WNT7A: variants seen among roughly 807,000 people sequenced by gnomAD.
WNT7A encodes the protein Wnt family member 7A, also known as protein Wnt-7a.
In WNT7A, 16 loss-of-function variants were observed where a neutral mutation model predicts 28.2. The ratio of observed to expected loss-of-function variants is 0.57; its 90% CI spans 0.38 to 0.86. The LOEUF (loss-of-function observed/expected upper bound fraction) is 0.86. Ranked by LOEUF, WNT7A falls within the 40% of genes least tolerant of loss-of-function variation. The probability of loss-of-function intolerance (pLI) is 0.00; values close to 1 mark genes in which losing one functional copy is unlikely to be tolerated. For synonymous variants in WNT7A, 190 were observed against 195.9 expected (o/e 0.97, Z 0.25); for missense variants, 411 against 489.7 (o/e 0.84, Z 1.52).
At chr3:13,867,592 C>T (rs928014219) in intron 2 of WNT7A, among the ~76,000 whole-genome samples, 22 of 152,136 alleles carry the variant, frequency 1.4e-4, no homozygotes, top group Non-Finnish European at 1.0e-4. Context: ...CCACACTGAT[C>T]CTCAGTGAAA....
At chr3:13,839,841 T>C (rs1694428347) in intron 3 of WNT7A, among the ~76,000 whole-genome samples, 1 of 152,176 alleles carries the variant, frequency 6.6e-6, no homozygotes, top group Admixed American at 6.5e-5. Flanking sequence ...TGTAAACCAT[T>C]GAGAGCGTGG....
intron 3 of WNT7A, among the ~76,000 whole-genome samples, chr3:13,821,767 A>G (rs1283743372): frequency 6.6e-6 from 1 of 152,224 alleles, no homozygotes; most frequent in Non-Finnish European, 1.5e-5. Context: ...AGACAAGGTT[A>G]TTCCCAGGGC....
rs1479327711 is a variant in WNT7A, at chr3:13,819,308, T to C, written c.686A>G (p.Lys229Arg). Residue 229 changes from lysine (K) to arginine (R), a missense_variant, in exon 4 of 4, where the codon AAG (lysine) becomes AGG (arginine). Coordinates refer to ENST00000285018, the MANE Select transcript of WNT7A (RefSeq NM_004625.4). ...GTGAACGGCCTCGTTGTACTTGTCC[T>C]TGAGCACGTAGCCCAGCTCCCGAAA... ...PQFRELGYVL[K>R]DKYNEAVHVE... The C allele has an allele frequency of 3.1e-6, 5 of 1,613,700 alleles. No individual in the cohort carries two copies. In the African/African-American group the frequency reaches 5.3e-5, roughly 17 times the overall value.
intron 3 of WNT7A, among the ~76,000 whole-genome samples, chr3:13,849,673 G>T (rs1457466274): frequency 2.6e-5 from 4 of 152,180 alleles, no homozygotes; most frequent in Non-Finnish European, 5.9e-5. Context: ...TCACATGCAA[G>T]TAAAGTAGGG....
At chr3:13,857,911 A>G (rs938538902) in intron 2 of WNT7A, among the ~76,000 whole-genome samples, 1 of 152,214 alleles carries the variant, frequency 6.6e-6, no homozygotes, top group Non-Finnish European at 1.5e-5. Context: ...TAACAATGGT[A>G]GAGCACTTAG....
intron 3 of WNT7A, among the ~76,000 whole-genome samples, chr3:13,852,775 T>A (rs895717030): frequency 6.6e-6 from 1 of 152,094 alleles, no homozygotes; most frequent in African/African-American, 2.4e-5. Flanking sequence ...TCCATTTCCA[T>A]CCCTGTAGCA....
chr3:13,849,047 T>C (rs1321914730), intron 3 of WNT7A, among the ~76,000 whole-genome samples: 1 of 152,192 alleles, frequency 6.6e-6, no homozygotes, highest in African/African-American at 2.4e-5. Flanking sequence ...AATGAAAGTA[T>C]ACAAGTGGAG....
At chr3:13,868,980 GAGAA>G (rs1694979871) in intron 2 of WNT7A, among the ~76,000 whole-genome samples, 1 of 147,402 alleles carries the variant, frequency 6.8e-6, no homozygotes, top group South Asian at 2.2e-4. Context: ...GAAAGAGAAA[GAGAA>G]AGAAAAAGAG....
intron 2 of WNT7A, among the ~76,000 whole-genome samples, chr3:13,873,197 G>A (rs1238902061): frequency 2.0e-5 from 3 of 152,094 alleles, no homozygotes; most frequent in African/African-American, 7.2e-5. Context: ...ACTAAAAAGT[G>A]AGCCCTGGGC....
intron 2 of WNT7A, among the ~76,000 whole-genome samples, chr3:13,856,645 C>CT (rs1382738174): frequency 1.3e-4 from 20 of 152,198 alleles, no homozygotes; most frequent in African/African-American, 4.3e-4. Context: ...TGGTGAAACT[C>CT]TGTCTTTGCT....
chr3:13,824,564 G>A (rs1694163696), intron 3 of WNT7A, among the ~76,000 whole-genome samples: 1 of 152,110 alleles, frequency 6.6e-6, no homozygotes, highest in Non-Finnish European at 1.5e-5. Flanking sequence ...TGTGCCTGTG[G>A]CATCCAGCCA....
intron 3 of WNT7A, among the ~76,000 whole-genome samples, chr3:13,821,900 C>T (rs1694116270): frequency 6.6e-6 from 1 of 152,174 alleles, no homozygotes; most frequent in Non-Finnish European, 1.5e-5. Flanking sequence ...TTTAAGTGAA[C>T]AGGGATGCTT....
At chr3:13,822,762 G>A (rs1478692431) in intron 3 of WNT7A, among the ~76,000 whole-genome samples, 1 of 152,218 alleles carries the variant, frequency 6.6e-6, no homozygotes. Flanking sequence ...GCAATGGGAA[G>A]CCCCTGGAAG....
At chr3:13,875,290 C>G in intron 1 of WNT7A, 117 bp from the exon 2 acceptor site, 1 of 982,520 alleles carries the variant, frequency 1.0e-6, no homozygotes, top group East Asian at 2.6e-5. Context: ...GGTCTCCCAA[C>G]TTTTTTGATC....
At chr3:13,836,362 C>G (rs372272974) in intron 3 of WNT7A, among the ~76,000 whole-genome samples, 5 of 152,214 alleles carry the variant, frequency 3.3e-5, no homozygotes, top group Non-Finnish European at 7.3e-5. Flanking sequence ...AGCATCCGCA[C>G]GCTCTCCCCA....
intron 3 of WNT7A, among the ~76,000 whole-genome samples, chr3:13,837,280 C>G (rs1201258059): frequency 6.6e-6 from 1 of 152,174 alleles, no homozygotes; most frequent in African/African-American, 2.4e-5. Flanking sequence ...CACCCTTCCT[C>G]CAGTTCCTCA....
chr3:13,879,203 TTA>T (rs1007853943), intron 1 of WNT7A, among the ~76,000 whole-genome samples: 1 of 152,132 alleles, frequency 6.6e-6, no homozygotes, highest in Non-Finnish European at 1.5e-5. Flanking sequence ...GAGCGGCGGT[TTA>T]TGTTTTTGCC....
rs762400595 is a variant in WNT7A at position 13,854,771 on chromosome 3, T to C, written c.331A>G (p.Ile111Val). 2.5e-5 allele frequency: 40 copies of C among 1,613,634 alleles called. 2 individuals carry two copies. The South Asian group carries it at 4.3e-4, about 17-fold the overall frequency. The stretch of plus-strand genomic sequence containing the variant: ...ATGGCGTGGGCCACGCCGGCGGCAA[T>C]GATGGCGTAGGTGAACGCAGCCTCC... ...SREAAFTYAI[I>V]AAGVAHAITA... is the part of the protein sequence containing the mutation. The change falls in exon 3 of 4, where the codon ATT becomes GTT. Residue 111 changes from isoleucine to valine, a missense_variant. Physicochemically the swap from Ile to Val is conservative, Grantham distance 29 (BLOSUM62 3). Coordinates refer to ENST00000285018, the MANE Select transcript of WNT7A (RefSeq NM_004625.4).
intron 3 of WNT7A, among the ~76,000 whole-genome samples, chr3:13,852,201 C>A (rs760946826): frequency 4.6e-5 from 7 of 152,236 alleles, no homozygotes; most frequent in Non-Finnish European, 8.8e-5. Context: ...ATGGTGCACC[C>A]CCCCACCCCA....
Sources: gnomAD v4.1 joint callset for allele counts (sites outside exome capture counted in the v4.1 genomes callset) on GRCh38, gnomAD v4.1.1 for gene constraint, MANE v1.5 for transcripts, NCBI Gene and HGNC (gene_info 2026-07-23, HGNC 2026-07-21) for gene names.